The following WDR7 variants were observed in gnomAD, a reference collection of about 807,000 sequenced individuals.
The protein encoded by WDR7 is WD repeat domain 7.
In WDR7, 46 loss-of-function variants were observed where a neutral mutation model predicts 169.4. That is an observed-to-expected ratio of 0.27 (90% CI 0.21 to 0.35). The LOEUF is 0.35. WDR7 is among the 10% of genes least tolerant of loss of function. WDR7 has a pLI of 1.00. For missense variants in WDR7, 1,534 were observed against 1,859.3 expected (o/e 0.83, Z 3.22); for synonymous variants, 612 against 666.8 (o/e 0.92, Z 1.27).
At chr18:56,796,712 G>T (rs2044590937) in intron 19 of WDR7, among the ~76,000 whole-genome samples, 1 of 152,052 alleles carries the variant, frequency 6.6e-6, no homozygotes. Flanking sequence ...CTAAATCCAT[G>T]AACTATGATC....
At chr18:56,718,246 A>G (rs1483850675) in intron 13 of WDR7, 87 bp downstream of exon 13, 1 of 1,332,732 alleles carries the variant, frequency 7.5e-7, no homozygotes, top group Admixed American at 2.6e-5. Flanking sequence ...ATATGAAGAA[A>G]AAAGGCTTGA....
At chr18:56,979,963 G>C (rs916828843) in intron 26 of WDR7, among the ~76,000 whole-genome samples, 1 of 152,108 alleles carries the variant, frequency 6.6e-6, no homozygotes, top group Non-Finnish European at 1.5e-5. Context: ...CGGTTTTATG[G>C]TAAAGCAACC....
intron 19 of WDR7, among the ~76,000 whole-genome samples, chr18:56,812,001 T>A (rs1299008425): frequency 2.0e-5 from 3 of 152,208 alleles, no homozygotes; most frequent in East Asian, 3.8e-4. Context: ...ACAAAAAACT[T>A]ACTGGGATTT....
At chr18:56,841,812 C>T (rs1263844009) in intron 20 of WDR7, among the ~76,000 whole-genome samples, 1 of 151,938 alleles carries the variant, frequency 6.6e-6, no homozygotes, top group Non-Finnish European at 1.5e-5. Context: ...GTACAGACTC[C>T]AGAGTTAGGA....
chr18:56,822,052 G>A (rs112550193), intron 20 of WDR7, among the ~76,000 whole-genome samples: 4 of 152,082 alleles, frequency 2.6e-5, no homozygotes, highest in South Asian at 2.1e-4. Context: ...TCAAACTCCC[G>A]AGTAGCTGGT....
At chr18:56,993,197 T>C (rs1035090176) in intron 26 of WDR7, among the ~76,000 whole-genome samples, 1 of 152,170 alleles carries the variant, frequency 6.6e-6, no homozygotes, top group African/African-American at 2.4e-5. Context: ...CTGGTTATTT[T>C]GGAAATACTC....
At chr18:57,031,671 T>G (rs531429484), downstream of WDR7, 1 of 152,314 alleles carries the variant, frequency 6.6e-6, no homozygotes, top group South Asian at 2.1e-4. Context: ...GGCTGGAAAT[T>G]TTTATTTTGT....
chr18:56,964,878 T>C (rs1032583053), intron 26 of WDR7, among the ~76,000 whole-genome samples: 3 of 152,214 alleles, frequency 2.0e-5, no homozygotes, highest in Admixed American at 6.5e-5. Flanking sequence ...TCATTACTTT[T>C]GTCAGTTACC....
chr18:56,944,509 G>A (rs571120175), intron 25 of WDR7, among the ~76,000 whole-genome samples: 1 of 152,210 alleles, frequency 6.6e-6, no homozygotes, highest in Non-Finnish European at 1.5e-5. Flanking sequence ...AAATTACAAT[G>A]TTAACTGAAT....
At chr18:56,763,228 G>A (rs1471585848) in intron 16 of WDR7, among the ~76,000 whole-genome samples, 1 of 152,126 alleles carries the variant, frequency 6.6e-6, no homozygotes, top group Non-Finnish European at 1.5e-5. Context: ...TTACATGCGT[G>A]AGCCACCACG....
At chr18:56,808,158 G>A (rs564217338) in intron 19 of WDR7, among the ~76,000 whole-genome samples, 23 of 152,302 alleles carry the variant, frequency 1.5e-4, no homozygotes, top group African/African-American at 5.3e-4. Context: ...CTGTCATAAG[G>A]ATTGTGGGGA....
intron 20 of WDR7, among the ~76,000 whole-genome samples, chr18:56,869,934 A>G (rs1472243618): frequency 1.3e-5 from 2 of 152,146 alleles, no homozygotes; most frequent in African/African-American, 2.4e-5. Flanking sequence ...AATTACATAC[A>G]TTTACAATGG....
chr18:57,011,302 C>T (rs1378170236), intron 26 of WDR7, among the ~76,000 whole-genome samples: 1 of 152,136 alleles, frequency 6.6e-6, no homozygotes, highest in African/African-American at 2.4e-5. Flanking sequence ...GTCAGTTTGT[C>T]CTCGAATGAC....
intron 16 of WDR7, among the ~76,000 whole-genome samples, chr18:56,769,098 C>T (rs2044112774): frequency 6.6e-6 from 1 of 151,850 alleles, no homozygotes; most frequent in Admixed American, 6.6e-5. Context: ...TTTTTTGACA[C>T]TTGATTTTGC....
intron 15 of WDR7, among the ~76,000 whole-genome samples, chr18:56,758,251 A>G (rs2043928298): frequency 6.6e-6 from 1 of 152,204 alleles, no homozygotes. Flanking sequence ...CTTATATAGC[A>G]CTTACTTTGT....
chr18:56,804,280 T>C (rs1329873147), intron 19 of WDR7, among the ~76,000 whole-genome samples: 5 of 152,208 alleles, frequency 3.3e-5, no homozygotes, highest in African/African-American at 1.2e-4. Context: ...ACACACAATC[T>C]CAAACTCTAA....
chr18:57,033,082 C>T (rs2048451139), downstream of WDR7: 1 of 151,816 alleles, frequency 6.6e-6, no homozygotes, highest in Non-Finnish European at 1.5e-5. Flanking sequence ...TGTATTGAAC[C>T]TTAGAATATG....
At chr18:56,828,777 G>C (rs1475156436) in intron 20 of WDR7, among the ~76,000 whole-genome samples, 3 of 152,116 alleles carry the variant, frequency 2.0e-5, no homozygotes, top group Non-Finnish European at 4.4e-5. Context: ...AACTAAATGT[G>C]AGAGTAGAAT....
intron 26 of WDR7, among the ~76,000 whole-genome samples, chr18:56,997,241 A>G (rs1205893207): frequency 6.6e-6 from 1 of 152,214 alleles, no homozygotes; most frequent in Non-Finnish European, 1.5e-5. Context: ...TTCAACTATG[A>G]TTTGATCAAT....
Sources: gnomAD v4.1 joint callset for allele counts (sites outside exome capture counted in the v4.1 genomes callset) on GRCh38, gnomAD v4.1.1 for gene constraint, MANE v1.5 for transcripts, NCBI Gene and HGNC (gene_info 2026-07-23, HGNC 2026-07-21) for gene names.